The following PKD1L1 variants were observed in gnomAD, a reference collection of about 807,000 sequenced individuals.
The protein encoded by PKD1L1 is polycystin-1-like protein 1.
In PKD1L1, 236 loss-of-function variants were observed where a neutral mutation model predicts 323.4. The ratio of observed to expected loss-of-function variants is 0.73; its 90% CI spans 0.66 to 0.81. The LOEUF (loss-of-function observed/expected upper bound fraction) is 0.81, where lower values mean the gene tolerates loss of function less well. Among genes scored for constraint, PKD1L1 ranks in the 40% least tolerant of loss-of-function variants. The pLI is 0.00. For missense variants in PKD1L1, 3,320 were observed against 3,508.0 expected, an observed-to-expected ratio of 0.95 and a Z score of 1.35; for synonymous variants, 1,344 against 1,335.0, an observed-to-expected ratio of 1.01 and a Z score of -0.15.
chr7:47,931,832 A>G (rs1298953691), intron 5 of PKD1L1, 104 bp downstream of exon 5: 18 of 1,400,838 alleles, frequency 1.3e-5, no homozygotes, highest in Non-Finnish European at 1.7e-5. Context: ...TGGTTCACTG[A>G]CAAACTCTGA....
At chr7:47,866,937 G>A (rs981286118) in intron 24 of PKD1L1, among the ~76,000 whole-genome samples, 1 of 152,140 alleles carries the variant, frequency 6.6e-6, no homozygotes, top group African/African-American at 2.4e-5. Flanking sequence ...ACAGCTGGCC[G>A]GAGTTTATGA....
In PKD1L1 at chr7:47,854,954, T is replaced by TG; in HGVS notation, c.4786dup (p.Gln1596ProfsTer9). On this transcript the variant is annotated frameshift_variant, in exon 30 of 57. Coordinates refer to ENST00000289672, the MANE Select transcript of PKD1L1 (RefSeq NM_138295.5). LOFTEE classifies it high-confidence loss of function. The stretch of plus-strand genomic sequence containing the variant: ...TTCAATTTCTATCTGTAGAGATTCC[T>TG]GGGGGTTTTCGGAAAGCTCAGTGAA... 1 of 1,614,080 alleles carries TG rather than the reference T, an allele frequency of 6.2e-7. No homozygotes were observed. Among genetic ancestry groups the TG allele is most frequent in the Non-Finnish European group, 8.5e-7 (1 of 1,179,974 alleles).
At chr7:47,919,895 C>T (rs1787500521) in intron 7 of PKD1L1, among the ~76,000 whole-genome samples, 3 of 152,128 alleles carry the variant, frequency 2.0e-5, no homozygotes, top group Admixed American at 6.5e-5. Context: ...CTATGACAGA[C>T]CCACAGCCAA....
At chr7:47,808,481 G>A in intron 51 of PKD1L1, 94 bp from the exon 52 acceptor site, 4 of 1,458,920 alleles carry the variant, frequency 2.7e-6, no homozygotes, top group Non-Finnish European at 3.8e-6. Flanking sequence ...ACAGTCATGA[G>A]TCACTTAACT....
In PKD1L1 at chr7:47,837,101, C is replaced by T. The variant is rs199719516; in HGVS notation, c.5770-7G>A. Reference sequence around the variant, plus strand: ...TGAACTTGCAATAGAAAAGCTGAAACGGAAAGCAGGAGAAGTGTTCCCTGA... The same window carrying T: ...TGAACTTGCAATAGAAAAGCTGAAATGGAAAGCAGGAGAAGTGTTCCCTGA... On this transcript the variant is annotated splice_region_variant and splice_polypyrimidine_tract_variant and intron_variant, in intron 36 of 56. Coordinates refer to ENST00000289672, the MANE Select transcript of PKD1L1 (RefSeq NM_138295.5). The T allele has an allele frequency of 9.8e-5, 158 of 1,613,694 alleles. No individual in the cohort carries two copies. The highest frequency in any genetic ancestry group is 3.2e-4 in the Admixed American group (19 of 60,012).
chr7:47,948,073 A>T (rs1788137750), intron 1 of PKD1L1, among the ~76,000 whole-genome samples: 1 of 152,220 alleles, frequency 6.6e-6, no homozygotes, highest in Non-Finnish European at 1.5e-5. Flanking sequence ...CAGATAGCTT[A>T]ACTTTGTCTA....
intron 15 of PKD1L1, 34 bp from the exon 16 acceptor site, chr7:47,890,797 G>A (rs776213963): frequency 1.5e-5 from 24 of 1,587,240 alleles, no homozygotes; most frequent in Middle Eastern, 2.3e-4. Flanking sequence ...GCTGAGGGGA[G>A]CATCAGGCAG....
intron 56 of PKD1L1, among the ~76,000 whole-genome samples, chr7:47,781,710 G>A (rs1288523562): frequency 6.6e-6 from 1 of 151,988 alleles, no homozygotes; most frequent in Non-Finnish European, 1.5e-5. Flanking sequence ...CACCAAGCCA[G>A]AACAAAAATT....
At chr7:47,783,475 A>T (rs983803610) in intron 56 of PKD1L1, among the ~76,000 whole-genome samples, 10 of 152,252 alleles carry the variant, frequency 6.6e-5, no homozygotes, top group Non-Finnish European at 1.2e-4. Flanking sequence ...ATTTGCTTAA[A>T]TGTATTTGTT....
At chr7:47,942,378 A>C (rs1405502241) in intron 2 of PKD1L1, among the ~76,000 whole-genome samples, 1 of 152,196 alleles carries the variant, frequency 6.6e-6, no homozygotes, top group Non-Finnish European at 1.5e-5. Context: ...TAAGAATTGC[A>C]AAAGAATTGG....
intron 26 of PKD1L1, among the ~76,000 whole-genome samples, chr7:47,864,556 C>T (rs1786104913): frequency 6.6e-6 from 1 of 150,972 alleles, no homozygotes; most frequent in Admixed American, 6.6e-5. Context: ...TCCTTTCTTC[C>T]TTCTTTTTCT....
In PKD1L1 at chr7:47,880,737, C is replaced by T. The variant is rs539595370; in HGVS notation, c.3511G>A (p.Val1171Met). 15 of 1,605,812 alleles carry T rather than the reference C, an allele frequency of 9.3e-6. No homozygotes were observed. In the East Asian group the frequency reaches 3.2e-4, roughly 34 times the overall value. ...LSSGETYVLQ[V>M]SVASKHGLLG... The stretch of plus-strand genomic sequence containing the variant: ...TGACAATGTAACATACCCACAGACA[C>T]TTGCAGGACGTACGTCTCTCCACTG... The change falls in exon 21 of 57, where the codon GTG (valine) becomes ATG (methionine). Residue 1171 changes from valine to methionine, a missense_variant. Physicochemically the swap from Val to Met is conservative, Grantham distance 21. Coordinates refer to ENST00000289672, the MANE Select transcript of PKD1L1 (RefSeq NM_138295.5).
chr7:47,949,540 C>A (rs1204024570), upstream of PKD1L1, among the ~76,000 whole-genome samples: 1 of 152,128 alleles, frequency 6.6e-6, no homozygotes. Flanking sequence ...CCTCCTGCAC[C>A]TCTCCTTGTT....
chr7:47,906,448 T>C (rs1787209137), intron 9 of PKD1L1, among the ~76,000 whole-genome samples: 1 of 152,086 alleles, frequency 6.6e-6, no homozygotes, highest in Admixed American at 6.5e-5. Context: ...ACATACCATA[T>C]ACACACCATA....
chr7:47,863,091 C>T lies in PKD1L1; in HGVS notation c.4149+2125G>A, dbSNP rs181975089. On this transcript the variant is annotated intron_variant, in intron 26 of 56. Coordinates refer to ENST00000289672, the MANE Select transcript of PKD1L1 (RefSeq NM_138295.5). Reference sequence around the variant, plus strand: ...AGGAGAGGTAGGAAGATTCTAGCTACGTGTTTGAGGAAGAACAGATGGGAC... The same window carrying T: ...AGGAGAGGTAGGAAGATTCTAGCTATGTGTTTGAGGAAGAACAGATGGGAC... Among the ~76,000 whole-genome samples the T allele has an allele frequency of 1.4e-4, 22 of 152,218 alleles. No homozygotes were observed. In the East Asian group the frequency reaches 2.5e-3, roughly 17 times the overall value.
chr7:47,936,355 C>T (rs547174693), intron 4 of PKD1L1, among the ~76,000 whole-genome samples: 9 of 152,288 alleles, frequency 5.9e-5, no homozygotes, highest in African/African-American at 1.9e-4. Flanking sequence ...GCAACCACCC[C>T]ACTCTCCTTT....
chr7:47,831,209 C>T lies in PKD1L1; in HGVS notation c.6473+8G>A, dbSNP rs1220214360. ...ACCTGAGGATGTTTGAAAAACTCTA[C>T]AGCTCACCTGTAGGCTAGAAATCCT... On this transcript the variant is annotated splice_region_variant and intron_variant, in intron 42 of 56. Transcript: ENST00000289672. The T allele has an allele frequency of 1.9e-6, 3 of 1,609,802 alleles. No homozygotes were observed. The highest frequency in any genetic ancestry group is 2.7e-5 in the African/African-American group (2 of 74,712).
chr7:47,898,164 C>A lies in PKD1L1; in HGVS notation c.2095G>T (p.Val699Leu), dbSNP rs1787001591. 6.2e-7 allele frequency: 1 copy of A among 1,614,162 alleles called. No homozygotes were observed. The highest frequency in any genetic ancestry group is 8.5e-7 in the Non-Finnish European group (1 of 1,180,012). Residue 699 changes from valine to leucine, a missense_variant, in exon 14 of 57, where the codon GTG (valine) becomes TTG (leucine). Val to Leu is a conservative substitution (Grantham distance 32, BLOSUM62 1). Coordinates refer to ENST00000289672, the MANE Select transcript of PKD1L1 (RefSeq NM_138295.5). ...IWRSQPVRLG[V>L]TFEAAVFCDI... ...CAGAAGACTGCAGCTTCAAACGTCA[C>A]TCCCAGCCTCACAGGCTGAGACCTC...
chr7:47,870,743 T>A lies in PKD1L1; in HGVS notation c.3896+3156A>T, dbSNP rs541965734. 2.6e-5 allele frequency among the ~76,000 whole-genome samples: 4 copies of A among 152,218 alleles called. No individual in the cohort carries two copies. The East Asian group carries it at 7.7e-4, about 29-fold the overall frequency. On this transcript the variant is annotated intron_variant, in intron 24 of 56. Coordinates refer to ENST00000289672, the MANE Select transcript of PKD1L1 (RefSeq NM_138295.5). ...GCTAGGTGTGGCGGCACACACTTGT[T>A]ATCCCAGCACTTTGGGAGGCCAAGG... is the stretch of plus-strand genomic sequence containing the variant.
Sources: allele counts gnomAD v4.1 joint callset (sites outside exome capture counted in the v4.1 genomes callset), GRCh38; gene constraint gnomAD v4.1.1; transcripts MANE v1.5; gene names NCBI Gene and HGNC (gene_info 2026-07-23, HGNC 2026-07-21).